MED13L: variants seen among roughly 807,000 people sequenced by gnomAD.
MED13L encodes the protein mediator complex subunit 13L, also known as mediator of RNA polymerase II transcription subunit 13-like.
MED13L carries 7 observed loss-of-function variants against 220.9 expected under a neutral mutation model. That is an observed-to-expected ratio of 0.03 (90% confidence interval 0.02 to 0.06). MED13L has a LOEUF of 0.06. Ranked by LOEUF, MED13L falls within the 10% of genes least tolerant of loss-of-function variation. The pLI is 1.00. For synonymous variants in MED13L, 1,011 were observed against 1,015.2 expected, an observed-to-expected ratio of 1.00 and a Z score of 0.08; for missense variants, 1,965 against 2,760.5, an observed-to-expected ratio of 0.71 and a Z score of 6.46.
At chr12:116,010,459 T>G (rs1022485002) in intron 9 of MED13L, among the ~76,000 whole-genome samples, 2 of 152,204 alleles carry the variant, frequency 1.3e-5, no homozygotes, top group Non-Finnish European at 2.9e-5. Context: ...AAAGATTTTT[T>G]GCAAAGTGGA....
At chr12:116,224,518 C>T (rs940872645) in intron 2 of MED13L, among the ~76,000 whole-genome samples, 1 of 152,186 alleles carries the variant, frequency 6.6e-6, no homozygotes, top group African/African-American at 2.4e-5. Context: ...CTACTAGGTT[C>T]TGAGCTCCTG....
chr12:116,260,136 A>G (rs1440175893), intron 1 of MED13L, among the ~76,000 whole-genome samples: 2 of 152,188 alleles, frequency 1.3e-5, no homozygotes, highest in Non-Finnish European at 2.9e-5. Context: ...GTACTACCTC[A>G]CTTGGAGAGA....
At chr12:116,024,465 C>A (rs2137455472) in intron 4 of MED13L, among the ~76,000 whole-genome samples, 1 of 152,166 alleles carries the variant, frequency 6.6e-6, no homozygotes, top group Middle Eastern at 3.4e-3. Context: ...GTATTTTGCC[C>A]AGCTTTTAAA....
At chr12:116,209,360 A>T (rs1240546388) in intron 2 of MED13L, among the ~76,000 whole-genome samples, 2 of 152,142 alleles carry the variant, frequency 1.3e-5, no homozygotes, top group African/African-American at 4.8e-5. Context: ...ATTAAATGAG[A>T]CCCCTAAGGC....
Position 116,124,123 on chromosome 12 carries a change from C to CGAGAGAGAGA in MED13L, c.311-12621_311-12612dup, listed in dbSNP as rs58366115. 7.4e-3 allele frequency among the ~76,000 whole-genome samples: 986 copies of CGAGAGAGAGA among 133,448 alleles called. 24 individuals carry two copies. Among genetic ancestry groups the CGAGAGAGAGA allele is most frequent in the African/African-American group, 0.019 (699 of 37,438 alleles). 87.5% of individuals were successfully genotyped at this position (133,448 alleles called of 152,430 possible). On this transcript the variant is annotated intron_variant, in intron 2 of 30. Transcript: ENST00000281928. ...ACATCTGCAGAGAGAGAGAGAAAGA[C>CGAGAGAGAGA]GAGAGAGAGAGAGAGAGAGAGAGAG...
At chr12:116,170,146 A>G (rs1208766365) in intron 2 of MED13L, among the ~76,000 whole-genome samples, 1 of 152,232 alleles carries the variant, frequency 6.6e-6, no homozygotes, top group Non-Finnish European at 1.5e-5. Flanking sequence ...TGAGTTATGC[A>G]CAGATTCTGT....
intron 3 of MED13L, among the ~76,000 whole-genome samples, chr12:116,107,671 TA>T (rs1443660733): frequency 6.6e-6 from 1 of 152,172 alleles, no homozygotes; most frequent in Non-Finnish European, 1.5e-5. Context: ...ATCTTATGCT[TA>T]AAAAATAAAA....
chr12:116,024,891 T>A (rs911106688), intron 4 of MED13L, among the ~76,000 whole-genome samples: 1 of 151,820 alleles, frequency 6.6e-6, no homozygotes. Context: ...TATTCTTTCC[T>A]CTAGTATGTG....
chr12:116,030,280 GTT>G (rs576671962), intron 4 of MED13L, among the ~76,000 whole-genome samples: 1 of 149,260 alleles, frequency 6.7e-6, no homozygotes, highest in African/African-American at 2.5e-5. Flanking sequence ...GAAATCAACA[GTT>G]TTTTTTTTAA....
intron 2 of MED13L, among the ~76,000 whole-genome samples, chr12:116,135,343 G>A (rs1228139575): frequency 6.6e-6 from 1 of 152,172 alleles, no homozygotes; most frequent in Non-Finnish European, 1.5e-5. Context: ...TACATGGAAA[G>A]GCTACTTGTA....
At position 116,009,938 on chromosome 12, in the gene MED13L, C is replaced by G. The variant is rs77420985; in HGVS notation, c.1281-806G>C. Among the ~76,000 whole-genome samples the G allele has an allele frequency of 9.5e-3, 1,439 of 152,262 alleles. 21 individuals carry two copies. Among genetic ancestry groups the G allele is most frequent in the African/African-American group, 0.032 (1,325 of 41,554 alleles). ...ATACTGCATGTCAGCCAGTACCTCC[C>G]AATATATAAATCATTCCCGGGGAAA... On this transcript the variant is annotated intron_variant, in intron 9 of 30. Coordinates refer to ENST00000281928, the MANE Select transcript of MED13L (RefSeq NM_015335.5).
intron 2 of MED13L, among the ~76,000 whole-genome samples, chr12:116,167,534 C>T (rs1879369794): frequency 6.6e-6 from 1 of 152,100 alleles, no homozygotes; most frequent in African/African-American, 2.4e-5. Flanking sequence ...TCAGTAAGGG[C>T]CATCACTTAC....
At position 116,228,462 on chromosome 12, in the gene MED13L, C is replaced by T. The variant is rs75835281; in HGVS notation, c.310+9006G>A. On this transcript the variant is annotated intron_variant, in intron 2 of 30. Coordinates refer to ENST00000281928, the MANE Select transcript of MED13L (RefSeq NM_015335.5). ...CTCCCAAGTAGTTGAAACTACAAGGCGAACACCAACCATGCCCAACTACTG... is the reference window on the plus strand; with the variant it reads ...CTCCCAAGTAGTTGAAACTACAAGGTGAACACCAACCATGCCCAACTACTG... 1.1e-3 allele frequency among the ~76,000 whole-genome samples: 168 copies of T among 152,160 alleles called. 3 individuals carry two copies. The East Asian group carries it at 0.029, about 26-fold the overall frequency.
At chr12:116,008,143 G>T in intron 10 of MED13L, 2 of 487,554 alleles carry the variant, frequency 4.1e-6, no homozygotes, top group Non-Finnish European at 7.1e-6. Flanking sequence ...CAAACAGTAG[G>T]GCAAAAATGT....
At position 116,019,420 on chromosome 12, in the gene MED13L, C is replaced by T. The variant is rs1417936725; in HGVS notation, c.821-8G>A. ...AAACCATCCGAACACCACCTATAAG[C>T]AAAGAGAACAAGGAAAGAATCAGGA... On this transcript the variant is annotated splice_region_variant and splice_polypyrimidine_tract_variant and intron_variant, in intron 6 of 30. Coordinates refer to ENST00000281928, the MANE Select transcript of MED13L (RefSeq NM_015335.5). 2 of 1,613,122 alleles carry T rather than the reference C, an allele frequency of 1.2e-6. No homozygotes were observed. Among genetic ancestry groups the T allele is most frequent in the African/African-American group, 1.3e-5 (1 of 74,874 alleles).
intron 4 of MED13L, among the ~76,000 whole-genome samples, chr12:116,089,476 A>G (rs545569945): frequency 2.0e-5 from 3 of 152,242 alleles, no homozygotes; most frequent in Non-Finnish European, 4.4e-5. Flanking sequence ...AAAACATACC[A>G]TAAGTATTAC....
At chr12:115,987,545 TAA>T (rs1877778874) in intron 17 of MED13L, among the ~76,000 whole-genome samples, 1 of 152,194 alleles carries the variant, frequency 6.6e-6, no homozygotes, top group African/African-American at 2.4e-5. Context: ...AAGAATTGTT[TAA>T]AAGTGGAAAA....
intron 2 of MED13L, among the ~76,000 whole-genome samples, chr12:116,194,113 G>T (rs1881459945): frequency 6.6e-6 from 1 of 152,026 alleles, no homozygotes; most frequent in African/African-American, 2.4e-5. Flanking sequence ...TGACGGAAGG[G>T]TATTTAAAAA....
At chr12:115,962,462 T>C (rs1875832411) in intron 30 of MED13L, among the ~76,000 whole-genome samples, 2 of 152,144 alleles carry the variant, frequency 1.3e-5, no homozygotes, top group African/African-American at 4.8e-5. Flanking sequence ...GCCTGGTTCC[T>C]AACAAGGCAT....
Sources: allele counts gnomAD v4.1 joint callset (sites outside exome capture counted in the v4.1 genomes callset), GRCh38; gene constraint gnomAD v4.1.1; transcripts MANE v1.5; gene names NCBI Gene and HGNC (gene_info 2026-07-23, HGNC 2026-07-21).